The following KAT6B variants were observed in gnomAD, a reference collection of about 807,000 sequenced individuals.
The protein encoded by KAT6B is lysine acetyltransferase 6B.
Under a neutral mutation model 187.5 loss-of-function variants are expected in KAT6B, and 10 were observed. The observed-to-expected ratio is 0.05, with a 90% CI of 0.03 to 0.09. KAT6B has a LOEUF of 0.09. Among genes scored for constraint, KAT6B ranks in the 10% least tolerant of loss-of-function variants. The pLI is 1.00. For missense variants in KAT6B, 1,952 were observed against 2,558.9 expected (o/e 0.76, Z 5.12); for synonymous variants, 861 against 926.8 (o/e 0.93, Z 1.29).
chr10:74,838,603 G>A (rs1841489467), intron 1 of KAT6B, 80 bp from the exon 2 acceptor site: 1 of 152,148 alleles, frequency 6.6e-6, no homozygotes. Context: ...GTCTTGAATG[G>A]TTGTGGAGAT....
intron 13 of KAT6B, among the ~76,000 whole-genome samples, chr10:75,020,234 C>T (rs146636207): frequency 8.6e-4 from 131 of 152,290 alleles, no homozygotes; most frequent in African/African-American, 3.0e-3. Context: ...CCTGACATTT[C>T]GTTTTTGAAA....
rs538883952 is a variant in KAT6B at position 74,960,103 on chromosome 10, T to G, written c.730+25T>G. On this transcript the variant is annotated intron_variant, in intron 4 of 17. Coordinates refer to ENST00000287239, the MANE Select transcript of KAT6B (RefSeq NM_012330.4). The stretch of plus-strand genomic sequence containing the variant: ...GGTAAGTTGTGTTTTTCCTATGTGT[T>G]GTACAATGACTTCCCATTATCATAG... 5 of 1,368,432 alleles carry G rather than the reference T, an allele frequency of 3.7e-6. No individual in the cohort carries two copies. In the African/African-American group the frequency reaches 7.1e-5, roughly 20 times the overall value. The allele number at this position is 1,368,432 out of a possible 1,614,324, so 84.8% of individuals were successfully genotyped here.
At chr10:75,024,885 T>C in intron 16 of KAT6B, 73 bp from the exon 17 acceptor site, 1 of 1,378,186 alleles carries the variant, frequency 7.3e-7, no homozygotes, top group Non-Finnish European at 1.0e-6. Flanking sequence ...GTTCAGTACA[T>C]GTCTACTGCA....
rs145084394 is a variant in KAT6B at position 74,960,168 on chromosome 10, T to C, written c.730+90T>C. The C allele has an allele frequency of 1.0e-5, 9 of 902,104 alleles. No homozygotes were observed. The East Asian group carries it at 2.2e-4, about 22-fold the overall frequency. 55.9% of individuals were successfully genotyped at this position (902,104 alleles called of 1,614,324 possible). On this transcript the variant is annotated intron_variant, in intron 4 of 17. Coordinates refer to ENST00000287239, the MANE Select transcript of KAT6B (RefSeq NM_012330.4). ...TCTCTCTATTAAAACTGTATTGTTA[T>C]TTAAGGCAGTTATATGGTAATAGCA...
intron 3 of KAT6B, among the ~76,000 whole-genome samples, chr10:74,921,944 C>T (rs1848168341): frequency 6.6e-6 from 1 of 152,194 alleles, no homozygotes; most frequent in Non-Finnish European, 1.5e-5. Context: ...TCCCCCTTGC[C>T]AGCTGTCTTG....
intron 3 of KAT6B, among the ~76,000 whole-genome samples, chr10:74,880,930 C>CTCTTTTTTTTT (rs1554821418): frequency 9.9e-4 from 143 of 144,546 alleles, no homozygotes; most frequent in African/African-American, 3.5e-3. Context: ...CTTACTCTCT[C>CTCTTTTTTTTT]TTTTTTTTTT....
chr10:75,026,898 G>T (rs113429889), intron 17 of KAT6B, among the ~76,000 whole-genome samples: 3 of 152,256 alleles, frequency 2.0e-5, no homozygotes, highest in African/African-American at 7.2e-5. Flanking sequence ...CACTTTGGGC[G>T]GCCGAGGTAG....
In KAT6B at chr10:74,943,507, T is replaced by G. The variant is rs1232110472; in HGVS notation, c.622-16463T>G. Among the ~76,000 whole-genome samples the G allele has an allele frequency of 1.3e-5, 2 of 152,146 alleles. 1 individual carries two copies. The highest frequency in any genetic ancestry group is 2.9e-5 in the Non-Finnish European group (2 of 68,026). ...AAGGATTTGAAATAGTTTAAAAATT[T>G]TTTGAAAAAGAACAACAAAGTTGAA... On this transcript the variant is annotated intron_variant, in intron 3 of 17. Coordinates refer to ENST00000287239, the MANE Select transcript of KAT6B (RefSeq NM_012330.4).
chr10:74,975,885 T>A lies in KAT6B; in HGVS notation c.1548T>A (p.Ser516=), dbSNP rs1025402902. The A allele has an allele frequency of 6.2e-7, 1 of 1,613,886 alleles. No homozygotes were observed. The highest frequency in any genetic ancestry group is 1.3e-5 in the African/African-American group (1 of 74,854). The stretch of plus-strand genomic sequence containing the variant: ...AAAAGTCCAGCACGGCCACTTCTTC[T>A]CCCTCTCCCCAGAGTTCTTCCAGCC... ...SSQKSSTATS[S]PSPQSSSSQC... The change falls in exon 8 of 18, where the codon TCT becomes TCA. Residue 516 remains serine, a synonymous_variant. Transcript: ENST00000287239.
At chr10:74,879,088 A>G (rs1000539243) in intron 3 of KAT6B, among the ~76,000 whole-genome samples, 1 of 152,166 alleles carries the variant, frequency 6.6e-6, no homozygotes. Context: ...GTAGTCTGGG[A>G]TGTCAAGAAA....
intron 3 of KAT6B, among the ~76,000 whole-genome samples, chr10:74,853,877 C>T (rs1842649721): frequency 6.6e-6 from 1 of 152,150 alleles, no homozygotes; most frequent in African/African-American, 2.4e-5. Flanking sequence ...GATCTGCCCA[C>T]CTCGGCCTCC....
intron 3 of KAT6B, among the ~76,000 whole-genome samples, chr10:74,857,033 C>T (rs1589484655): frequency 6.6e-6 from 1 of 152,192 alleles, no homozygotes; most frequent in African/African-American, 2.4e-5. Flanking sequence ...GTTAAGGTGG[C>T]ATCTGCTAGA....
Position 75,030,170 on chromosome 10 carries a change from T to C in KAT6B, c.5346T>C (p.Ala1782=), listed in dbSNP as rs1157206162. The C allele has an allele frequency of 6.2e-7, 1 of 1,614,222 alleles. No homozygotes were observed. Among genetic ancestry groups the C allele is most frequent in the South Asian group, 1.1e-5 (1 of 91,086 alleles). The part of the protein sequence containing the change: ...AANFTPPMQL[A]EIPETSNANI... ...ACTTCACCCCACCCATGCAGCTGGCTGAAATCCCCGAGACGAGCAACGCCA... is the reference window on the plus strand; with the variant it reads ...ACTTCACCCCACCCATGCAGCTGGCCGAAATCCCCGAGACGAGCAACGCCA... Residue 1782 remains alanine, a synonymous_variant, in exon 18 of 18, where the codon GCT becomes GCC. Coordinates refer to ENST00000287239, the MANE Select transcript of KAT6B (RefSeq NM_012330.4). This position sits in a 1 kb window ranked among gnomAD's most constrained non-coding sequence, Gnocchi z 4.8.
intron 3 of KAT6B, among the ~76,000 whole-genome samples, chr10:74,869,186 G>GAA (rs1363214954): frequency 5.3e-5 from 8 of 151,978 alleles, no homozygotes; most frequent in African/African-American, 1.7e-4. Flanking sequence ...TTTCCTTCCA[G>GAA]ATTTGTTTAT....
intron 3 of KAT6B, among the ~76,000 whole-genome samples, chr10:74,852,029 C>A (rs1842512442): frequency 6.6e-6 from 1 of 152,100 alleles, no homozygotes; most frequent in African/African-American, 2.4e-5. Context: ...CCATATTGTT[C>A]TTTGATGTGG....
intron 13 of KAT6B, among the ~76,000 whole-genome samples, chr10:75,006,780 G>A (rs1401201909): frequency 1.3e-5 from 2 of 151,174 alleles, no homozygotes; most frequent in Non-Finnish European, 3.0e-5. Context: ...GCTAACCAAT[G>A]AAAATAAAAT....
At chr10:74,952,557 A>G (rs1465384155) in intron 3 of KAT6B, among the ~76,000 whole-genome samples, 2 of 152,098 alleles carry the variant, frequency 1.3e-5, no homozygotes, top group Non-Finnish European at 2.9e-5. Context: ...GACCTTAGAG[A>G]GGTGGCCTTG....
At chr10:74,945,340 G>A (rs1021432965) in intron 3 of KAT6B, among the ~76,000 whole-genome samples, 23 of 152,232 alleles carry the variant, frequency 1.5e-4, no homozygotes, top group African/African-American at 5.3e-4. Flanking sequence ...ACAGAAAGCA[G>A]ATGAGTGATT....
At chr10:74,854,567 G>C (rs1348180366) in intron 3 of KAT6B, among the ~76,000 whole-genome samples, 2 of 151,730 alleles carry the variant, frequency 1.3e-5, no homozygotes, top group African/African-American at 2.4e-5. Context: ...AAACTATGAG[G>C]CTGGTCTCTG....
Sources: allele counts gnomAD v4.1 joint callset (sites outside exome capture counted in the v4.1 genomes callset), GRCh38; gene constraint gnomAD v4.1.1; non-coding constraint Gnocchi (gnomAD v3.1); transcripts MANE v1.5; gene names NCBI Gene and HGNC (gene_info 2026-07-23, HGNC 2026-07-21).